The following MND1 variants were observed in gnomAD, a reference collection of about 807,000 sequenced individuals.
MND1 encodes the protein meiotic nuclear divisions 1.
Under a neutral mutation model 35.1 loss-of-function variants are expected in MND1, and 28 were observed. The observed-to-expected ratio is 0.80, with a 90% confidence interval of 0.59 to 1.09. MND1 has a LOEUF of 1.09. Ranked by LOEUF, MND1 falls within the 50% of genes least tolerant of loss-of-function variation. The pLI, the probability that MND1 is intolerant of heterozygous loss-of-function variation, is 0.00. For synonymous variants in MND1, 69 were observed against 70.5 expected, an observed-to-expected ratio of 0.98 and a Z score of 0.11; for missense variants, 213 against 239.6, an observed-to-expected ratio of 0.89 and a Z score of 0.73.
chr4:153,352,818 A>C (rs1561054485), intron 2 of MND1, among the ~76,000 whole-genome samples: 3 of 151,278 alleles, frequency 2.0e-5, no homozygotes, highest in African/African-American at 7.3e-5. Flanking sequence ...CCTTACACAT[A>C]GTTCTTTTTA....
At chr4:153,350,951 TAAAA>T (rs567868452) in intron 2 of MND1, among the ~76,000 whole-genome samples, 79 of 123,520 alleles carry the variant, frequency 6.4e-4, no homozygotes, top group African/African-American at 2.1e-3. Context: ...AGATTCTTAG[TAAAA>T]AAAAAAAAAA....
intron 7 of MND1, among the ~76,000 whole-genome samples, chr4:153,409,932 A>G (rs1349203710): frequency 6.6e-6 from 1 of 152,244 alleles, no homozygotes; most frequent in Non-Finnish European, 1.5e-5. Flanking sequence ...ATACGAATCC[A>G]AGGTGATTTC....
intron 2 of MND1, among the ~76,000 whole-genome samples, chr4:153,350,951 T>TAAAAAA (rs567868452): frequency 4.9e-5 from 6 of 123,502 alleles, no homozygotes; most frequent in Non-Finnish European, 8.8e-5. Context: ...AGATTCTTAG[T>TAAAAAA]AAAAAAAAAA....
intron 6 of MND1, among the ~76,000 whole-genome samples, chr4:153,404,081 A>T (rs1729417846): frequency 6.6e-6 from 1 of 152,088 alleles, no homozygotes; most frequent in Admixed American, 6.6e-5. Context: ...ACTGTTCCCG[A>T]GAAAGCCCAT....
chr4:153,382,079 T>C (rs1282616252), intron 4 of MND1: 6 of 152,092 alleles, frequency 3.9e-5, no homozygotes, highest in Non-Finnish European at 8.8e-5. Flanking sequence ...ATTTAAAGTC[T>C]AGCTCTTACT....
At chr4:153,390,092 C>T (rs947214150) in intron 4 of MND1, among the ~76,000 whole-genome samples, 5 of 151,052 alleles carry the variant, frequency 3.3e-5, no homozygotes, top group Non-Finnish European at 4.4e-5. Context: ...TTATATATGG[C>T]GACTAGAAAT....
intron 4 of MND1, among the ~76,000 whole-genome samples, chr4:153,388,145 G>A (rs1031430286): frequency 7.9e-5 from 12 of 152,166 alleles, no homozygotes; most frequent in African/African-American, 2.9e-4. Context: ...CTGTATAGGT[G>A]ACCTGGAATG....
intron 7 of MND1, among the ~76,000 whole-genome samples, chr4:153,413,316 A>AT (rs1729741493): frequency 6.6e-6 from 1 of 152,036 alleles, no homozygotes; most frequent in Admixed American, 6.6e-5. Context: ...TTATACCATT[A>AT]TTTTTTCTGT....
chr4:153,380,945 G>T (rs1728662746), intron 4 of MND1, among the ~76,000 whole-genome samples: 2 of 151,898 alleles, frequency 1.3e-5, no homozygotes, highest in Admixed American at 1.3e-4. Flanking sequence ...TGTTGCCCAG[G>T]CTGGAGTACA....
chr4:153,375,357 T>A (rs1728473860), intron 4 of MND1, among the ~76,000 whole-genome samples: 2 of 152,264 alleles, frequency 1.3e-5, no homozygotes, highest in African/African-American at 2.4e-5. Flanking sequence ...CTATTTTATG[T>A]AAGAGAAAAT....
At chr4:153,379,302 A>AAG (rs1554011098) in intron 4 of MND1, among the ~76,000 whole-genome samples, 5 of 149,656 alleles carry the variant, frequency 3.3e-5, no homozygotes, top group South Asian at 2.1e-4. Context: ...AAAAAAAAAA[A>AAG]AAGAAGAAGA....
At chr4:153,369,329 C>G (rs988751967) in intron 4 of MND1, among the ~76,000 whole-genome samples, 5 of 152,110 alleles carry the variant, frequency 3.3e-5, no homozygotes, top group African/African-American at 1.2e-4. Flanking sequence ...ACATTTTATT[C>G]CCTAGAAACA....
chr4:153,370,676 C>T (rs1257329899), intron 4 of MND1, among the ~76,000 whole-genome samples: 1 of 151,974 alleles, frequency 6.6e-6, no homozygotes, highest in Non-Finnish European at 1.5e-5. Flanking sequence ...GGCACCATCA[C>T]GCCTGGCTAA....
rs1729797494 is a variant in MND1, at chr4:153,415,008, C to A, written c.*151C>A. The stretch of plus-strand genomic sequence containing the variant: ...AAGTGTAAAATGCAGATGTTCTTCA[C>A]CCCTTTTGGTAGAACAAAAGCAGGA... On this transcript the variant is annotated 3_prime_UTR_variant, in exon 8 of 8. Transcript: ENST00000240488. The A allele has an allele frequency of 9.8e-6, 4 of 407,512 alleles. No individual in the cohort carries two copies. Among genetic ancestry groups the A allele is most frequent in the Admixed American group, 8.8e-5 (2 of 22,750 alleles). The allele number at this position is 407,512 out of a possible 1,614,324, so 25.2% of individuals were successfully genotyped here.
chr4:153,409,339 G>T (rs1018372043), intron 7 of MND1, among the ~76,000 whole-genome samples: 2 of 142,736 alleles, frequency 1.4e-5, no homozygotes, highest in African/African-American at 5.3e-5. Context: ...ACACTTTTAA[G>T]ATAATGAAAT....
At chr4:153,351,354 G>A (rs977401816) in intron 2 of MND1, among the ~76,000 whole-genome samples, 1 of 152,184 alleles carries the variant, frequency 6.6e-6, no homozygotes, top group Non-Finnish European at 1.5e-5. Flanking sequence ...TCAGTAATTA[G>A]TGAGGTTTTC....
chr4:153,382,427 A>G (rs1728736100), intron 4 of MND1, among the ~76,000 whole-genome samples: 1 of 152,318 alleles, frequency 6.6e-6, no homozygotes, highest in South Asian at 2.1e-4. Flanking sequence ...TTCTTTAGCT[A>G]TATAGCCCAT....
chr4:153,376,337 G>C (rs747023519), intron 4 of MND1, among the ~76,000 whole-genome samples: 2 of 152,114 alleles, frequency 1.3e-5, no homozygotes, highest in Non-Finnish European at 2.9e-5. Context: ...GAGTGAGTGT[G>C]TTTGTGGTCT....
At chr4:153,406,999 C>T (rs1224158405) in intron 6 of MND1, among the ~76,000 whole-genome samples, 2 of 152,162 alleles carry the variant, frequency 1.3e-5, no homozygotes, top group African/African-American at 4.8e-5. Flanking sequence ...GAGACTCATT[C>T]ACTATCATGG....
Sources: allele counts gnomAD v4.1 joint callset (sites outside exome capture counted in the v4.1 genomes callset), GRCh38; gene constraint gnomAD v4.1.1; transcripts MANE v1.5; gene names NCBI Gene and HGNC (gene_info 2026-07-23, HGNC 2026-07-21).